PHF20: variants seen among roughly 807,000 people sequenced by gnomAD.
PHF20 encodes the protein PHD finger protein 20, also known as glioma-expressed antigen 2.
In PHF20, 23 loss-of-function variants were observed where a neutral mutation model predicts 113.5. The observed-to-expected ratio is 0.20, with a 90% CI of 0.15 to 0.29. The LOEUF (loss-of-function observed/expected upper bound fraction) is 0.29. PHF20 is among the 10% of genes least tolerant of loss of function. The probability of loss-of-function intolerance (pLI) is 1.00; values close to 1 mark genes in which losing one functional copy is unlikely to be tolerated. For missense variants in PHF20, 943 were observed against 1,219.6 expected (o/e 0.77, Z 3.38); for synonymous variants, 434 against 457.3 (o/e 0.95, Z 0.65).
At chr20:35,927,372 A>C (rs1209492937) in intron 13 of PHF20, among the ~76,000 whole-genome samples, 1 of 152,182 alleles carries the variant, frequency 6.6e-6, no homozygotes, top group Non-Finnish European at 1.5e-5. Context: ...TGACCCATTG[A>C]ATCTTCACAA....
rs1164719995 is a variant in PHF20, at chr20:35,873,471, T to TG, written c.1282+1642_1282+1643insG. On this transcript the variant is annotated intron_variant, in intron 9 of 17. Transcript: ENST00000374012. ...TGTGTTTTGTCTGTTTTTTTGTTTTTTTTTTTTTTTTTTTTAAGACAGAGT... is the reference window on the plus strand; with the variant it reads ...TGTGTTTTGTCTGTTTTTTTGTTTTTGTTTTTTTTTTTTTTTAAGACAGAGT... Among the ~76,000 whole-genome samples, 140 of 145,626 alleles carry TG rather than the reference T, an allele frequency of 9.6e-4. 1 individual carries two copies. The highest frequency in any genetic ancestry group is 3.5e-3 in the African/African-American group (134 of 38,400).
chr20:35,865,885 C>T (rs1287661376), intron 6 of PHF20, among the ~76,000 whole-genome samples: 1 of 152,028 alleles, frequency 6.6e-6, no homozygotes, highest in Non-Finnish European at 1.5e-5. Flanking sequence ...ACCAGGCTGG[C>T]CAACATGGTG....
intron 2 of PHF20, among the ~76,000 whole-genome samples, chr20:35,815,347 G>A (rs2042053561): frequency 6.6e-6 from 1 of 152,120 alleles, no homozygotes; most frequent in Non-Finnish European, 1.5e-5. Flanking sequence ...AGAGGCTGAG[G>A]TGGGCAGATC....
intron 2 of PHF20, among the ~76,000 whole-genome samples, chr20:35,819,501 A>G (rs1357649610): frequency 6.6e-6 from 1 of 152,174 alleles, no homozygotes; most frequent in East Asian, 1.9e-4. Flanking sequence ...TAAGTTGATC[A>G]TAGTTCGCTT....
intron 11 of PHF20, among the ~76,000 whole-genome samples, chr20:35,913,593 G>T (rs1042866914): frequency 6.6e-6 from 1 of 152,232 alleles, no homozygotes; most frequent in Non-Finnish European, 1.5e-5. Context: ...GTGCCCTGCT[G>T]CAGGATGGTA....
chr20:35,845,424 G>A (rs2042606317), intron 3 of PHF20: 3 of 396,116 alleles, frequency 7.6e-6, no homozygotes, highest in Non-Finnish European at 1.6e-5. Flanking sequence ...GAAGTGCAGT[G>A]GTGCAGTCTT....
At chr20:35,838,469 C>T (rs71350399) in intron 2 of PHF20, 69 of 152,200 alleles carry the variant, frequency 4.5e-4, no homozygotes, top group African/African-American at 1.6e-3. Context: ...TCTCTCCCTT[C>T]CCCCACATAA....
At chr20:35,906,315 GC>G (rs2055199868) in intron 10 of PHF20, among the ~76,000 whole-genome samples, 2 of 152,334 alleles carry the variant, frequency 1.3e-5, no homozygotes, top group East Asian at 1.9e-4. Context: ...GGATTATAGT[GC>G]CATAACAGAG....
intron 9 of PHF20, among the ~76,000 whole-genome samples, chr20:35,893,936 T>G (rs1428577032): frequency 6.6e-6 from 1 of 152,248 alleles, no homozygotes; most frequent in Non-Finnish European, 1.5e-5. Flanking sequence ...GTTATTTATG[T>G]TTTAAAAAGA....
chr20:35,809,717 CA>C (rs759390130), intron 2 of PHF20, among the ~76,000 whole-genome samples: 1,671 of 126,414 alleles, frequency 0.013, 17 homozygotes, highest in African/African-American at 0.034. Context: ...GACCCTGTCT[CA>C]AAAAAAAAAA....
At chr20:35,813,269 G>A (rs1022370082) in intron 2 of PHF20, among the ~76,000 whole-genome samples, 7 of 151,960 alleles carry the variant, frequency 4.6e-5, no homozygotes, top group Admixed American at 1.3e-4. Context: ...CACCGCGCCC[G>A]GCCCATTTTT....
rs1221089218 is a variant in PHF20 at position 35,842,724 on chromosome 20, C to A, written c.235C>A (p.His79Asn). 2 of 1,613,980 alleles carry A rather than the reference C, an allele frequency of 1.2e-6. No individual in the cohort carries two copies. The highest frequency in any genetic ancestry group is 1.1e-5 in the South Asian group (1 of 91,042). Reference sequence around the variant, plus strand: ...AATACAGCTGAGGAAAGAGGGCTTGCATGAAGAGGATGGATCTTCTGTGAG... The same window carrying A: ...AATACAGCTGAGGAAAGAGGGCTTGAATGAAGAGGATGGATCTTCTGTGAG... The part of the protein sequence containing the change: ...EKIQLRKEGL[H>N]EEDGSSEFQI... The change falls in exon 3 of 18, where the codon CAT becomes AAT. Residue 79 changes from histidine (H) to asparagine (N), a missense_variant. His to Asn is a moderately conservative substitution (Grantham distance 68). Around this residue, in one of 3 missense-constraint regions of PHF20, gnomAD observed 592 missense variants for 787.2 expected, o/e 0.75. Transcript: ENST00000374012.
At chr20:35,857,640 C>T (rs780030500) in intron 4 of PHF20, among the ~76,000 whole-genome samples, 28 of 128,554 alleles carry the variant, frequency 2.2e-4, no homozygotes, top group Non-Finnish European at 3.4e-4. Context: ...GAGTGGAGTG[C>T]GATGGCAGGA....
At chr20:35,897,559 C>CTTTTTTTTTTT (rs150122625) in intron 9 of PHF20, among the ~76,000 whole-genome samples, 1 of 107,674 alleles carries the variant, frequency 9.3e-6, no homozygotes, top group African/African-American at 3.9e-5. Flanking sequence ...TTCTGGATCC[C>CTTTTTTTTTTT]TTTTTTTTTT....
intron 9 of PHF20, among the ~76,000 whole-genome samples, chr20:35,875,512 C>T (rs187764303): frequency 3.9e-5 from 6 of 152,196 alleles, no homozygotes; most frequent in Admixed American, 6.5e-5. Context: ...GCTTCAGCCT[C>T]GAGGGCTTGT....
chr20:35,829,926 T>C (rs1484239371), intron 2 of PHF20, among the ~76,000 whole-genome samples: 3 of 151,276 alleles, frequency 2.0e-5, no homozygotes, highest in African/African-American at 7.3e-5. Flanking sequence ...TTTTCTTTTT[T>C]TTTTTGAGAT....
chr20:35,919,540 A>G (rs2055472798), intron 13 of PHF20, among the ~76,000 whole-genome samples: 1 of 152,092 alleles, frequency 6.6e-6, no homozygotes, highest in Non-Finnish European at 1.5e-5. Context: ...GTGTTTCACC[A>G]TATTGGCTAG....
At chr20:35,921,398 A>G (rs933628121) in intron 13 of PHF20, among the ~76,000 whole-genome samples, 1 of 151,782 alleles carries the variant, frequency 6.6e-6, no homozygotes, top group Non-Finnish European at 1.5e-5. Flanking sequence ...GTGGACTACT[A>G]TTAGATAATT....
intron 1 of PHF20, among the ~76,000 whole-genome samples, chr20:35,784,550 C>T (rs1239857661): frequency 6.7e-6 from 1 of 149,774 alleles, no homozygotes; most frequent in Non-Finnish European, 1.5e-5. Flanking sequence ...GATTCTCCTG[C>T]CTCAGCCTGC....
Sources: allele counts gnomAD v4.1 joint callset (sites outside exome capture counted in the v4.1 genomes callset), GRCh38; gene constraint gnomAD v4.1.1; regional missense constraint gnomAD v4.1.1; transcripts MANE v1.5; gene names NCBI Gene and HGNC (gene_info 2026-07-23, HGNC 2026-07-21).